CMC4: variants seen among roughly 807,000 people sequenced by gnomAD.
The protein encoded by CMC4 is cx9C motif-containing protein 4.
CMC4 carries 4 observed loss-of-function variants against 5.1 expected under a neutral mutation model. The observed-to-expected ratio is 0.78, with a 90% CI of 0.38 to 1.78. The LOEUF is 1.78. Ranked by LOEUF, CMC4 falls within the 40% of genes most tolerant of loss-of-function variation. The probability of loss-of-function intolerance (pLI) is 0.04; values close to 1 mark genes in which losing one functional copy is unlikely to be tolerated. For synonymous variants in CMC4, 23 were observed against 18.9 expected, an observed-to-expected ratio of 1.22 and a Z score of -0.57; for missense variants, 52 against 51.3, an observed-to-expected ratio of 1.01 and a Z score of -0.04.
At chrX:155,062,038 G>A (rs1557291662) in intron 2 of CMC4, 47 bp from the exon 3 acceptor site, 2 of 1,141,322 alleles carry the variant, frequency 1.8e-6, no homozygotes, top group Admixed American at 2.4e-5. Flanking sequence ...ATAGGACTAA[G>A]GTACAGGGAG....
intron 1 of CMC4, chrX:155,066,132 G>A: frequency 2.0e-6 from 1 of 496,829 alleles, no homozygotes; most frequent in Non-Finnish European, 3.4e-6. Context: ...AAGGTGATCT[G>A]GTACTAGCAA....
At chrX:155,066,954 T>C (rs1018914307) in intron 1 of CMC4, among the ~76,000 whole-genome samples, 7 of 111,968 alleles carry the variant, frequency 6.3e-5, no homozygotes, top group Non-Finnish European at 1.3e-4. Flanking sequence ...GCCCCAGATA[T>C]CATTTCAGGA....
intron 2 of CMC4, among the ~76,000 whole-genome samples, chrX:155,062,663 G>C (rs1261545441): frequency 8.9e-6 from 1 of 111,763 alleles, no homozygotes; most frequent in African/African-American, 3.3e-5. Context: ...TACTAAAATG[G>C]AGTACATGGT....
At chrX:155,069,446 G>T in intron 1 of CMC4, among the ~76,000 whole-genome samples, 1 of 112,186 alleles carries the variant, frequency 8.9e-6, no homozygotes, top group African/African-American at 3.2e-5. Context: ...TATTAATCAT[G>T]ATAGTCTTTA....
chrX:155,069,818 A>G (rs782368947), intron 1 of CMC4, among the ~76,000 whole-genome samples: 1 of 112,511 alleles, frequency 8.9e-6, no homozygotes, highest in African/African-American at 3.2e-5. Flanking sequence ...ACTACCGCCG[A>G]TAACAAACAA....
Position 155,061,777 on chromosome X carries a change from C to T in CMC4, c.*66G>A. On this transcript the variant is annotated 3_prime_UTR_variant, in exon 3 of 3. Coordinates refer to ENST00000369484, the MANE Select transcript of CMC4 (RefSeq NM_001018024.3). ...CATTTGCTATTTGCTGCTACCTGGC[C>T]TGAAGAGTCAGGAGGATAAAAAAAA... The T allele has an allele frequency of 1.7e-6, 2 of 1,156,225 alleles. No individual in the cohort carries two copies. Among genetic ancestry groups the T allele is most frequent in the Non-Finnish European group, 2.3e-6 (2 of 860,997 alleles).
chrX:155,069,157 T>C (rs1319764958), intron 1 of CMC4, among the ~76,000 whole-genome samples: 1 of 113,106 alleles, frequency 8.8e-6, no homozygotes, highest in Non-Finnish European at 1.9e-5. Flanking sequence ...TCATTTTTCC[T>C]TTACAGAATA....
At chrX:155,063,437 A>G (rs1557291769) in intron 2 of CMC4, among the ~76,000 whole-genome samples, 2 of 112,572 alleles carry the variant, frequency 1.8e-5, no homozygotes, top group Admixed American at 1.9e-4. Context: ...TTAGAAAACT[A>G]AAATCCTCTA....
At chrX:155,062,621 T>A (rs2073932546) in intron 2 of CMC4, among the ~76,000 whole-genome samples, 2 of 111,726 alleles carry the variant, frequency 1.8e-5, no homozygotes, top group South Asian at 7.5e-4. Context: ...ACCTAAAGAC[T>A]CTAGGTCAGC....
intron 1 of CMC4, chrX:155,065,333 T>G: frequency 3.8e-6 from 2 of 520,677 alleles, no homozygotes; most frequent in African/African-American, 4.7e-5. Context: ...TGCACTGCAG[T>G]AGTGGATGAA....
intron 1 of CMC4, among the ~76,000 whole-genome samples, chrX:155,070,212 T>TC (rs782401714): frequency 8.9e-6 from 1 of 111,810 alleles, no homozygotes; most frequent in Non-Finnish European, 1.9e-5. Context: ...CATCAACACT[T>TC]CAAGTAGCAC....
intron 1 of CMC4, among the ~76,000 whole-genome samples, chrX:155,069,163 G>T (rs782762229): frequency 9.5e-4 from 107 of 112,868 alleles, no homozygotes; most frequent in Non-Finnish European, 1.6e-3. Context: ...TTCCTTTACA[G>T]AATAAATTCT....
chrX:155,067,140 C>T (rs1466349190), intron 1 of CMC4, among the ~76,000 whole-genome samples: 1 of 111,568 alleles, frequency 9.0e-6, no homozygotes, highest in Admixed American at 9.5e-5. Context: ...AGAAATGCAG[C>T]GTGGGAGGGT....
chrX:155,070,220 C>T (rs2073967095), intron 1 of CMC4, among the ~76,000 whole-genome samples: 1 of 111,840 alleles, frequency 8.9e-6, no homozygotes, highest in South Asian at 3.7e-4. Context: ...CTTCAAGTAG[C>T]ACCTTGGGAA....
chrX:155,067,035 G>A (rs1477813617), intron 1 of CMC4, among the ~76,000 whole-genome samples: 1 of 112,147 alleles, frequency 8.9e-6, no homozygotes, highest in Non-Finnish European at 1.9e-5. Context: ...TTATAGCGCA[G>A]TTGTACTGTA....
intron 1 of CMC4, chrX:155,065,275 C>A: frequency 2.3e-6 from 1 of 436,064 alleles, no homozygotes; most frequent in South Asian, 4.0e-5. Context: ...ACTTCTGTTT[C>A]TTGAGCAGTT....
rs1275185409 is a variant in CMC4, at chrX:155,071,086, C to T, written c.-403G>A. The T allele has an allele frequency of 5.4e-5, 6 of 111,415 alleles. No homozygotes were observed. The highest frequency in any genetic ancestry group is 1.9e-4 in the African/African-American group (6 of 30,855). The allele number at this position is 111,415 out of a possible 1,213,427, so 9.2% of individuals were successfully genotyped here. A position where few individuals can be genotyped will look rare whatever the true frequency, so the allele number is the denominator to read the frequency against. On this transcript the variant is annotated 5_prime_UTR_variant, in exon 1 of 3. Coordinates refer to ENST00000369484, the MANE Select transcript of CMC4 (RefSeq NM_001018024.3). ...CTTAGCGGGCGGGCAAAATGGGCGC[C>T]GGTACTCGGGAGGCGCCTGCCCAGG...
intron 1 of CMC4, chrX:155,064,354 T>C (rs1237562310): frequency 1.4e-5 from 2 of 146,404 alleles, no homozygotes; most frequent in Non-Finnish European, 2.6e-5. Flanking sequence ...GAAGAAACCC[T>C]TGATAAATGA....
At chrX:155,065,213 C>T (rs781926581) in intron 1 of CMC4, 21 of 365,727 alleles carry the variant, frequency 5.7e-5, no homozygotes, top group Middle Eastern at 7.5e-4. Context: ...TTTCTGCCTA[C>T]GTAACCTCTC....
Sources: gnomAD v4.1 joint callset for allele counts (sites outside exome capture counted in the v4.1 genomes callset) on GRCh38, gnomAD v4.1.1 for gene constraint, MANE v1.5 for transcripts, NCBI Gene and HGNC (gene_info 2026-07-23, HGNC 2026-07-21) for gene names.